The following EXOC4 variants were observed in gnomAD, a reference collection of about 807,000 sequenced individuals.
The protein encoded by EXOC4 is SEC8-like 1.
A neutral mutation model predicts 107.2 loss-of-function variants in EXOC4; 71 were observed. That is an observed-to-expected ratio of 0.66 (90% CI 0.55 to 0.81). EXOC4 has a LOEUF of 0.81. EXOC4 is among the 30% of genes least tolerant of loss of function. The pLI, the probability that EXOC4 is intolerant of heterozygous loss-of-function variation, is 0.00. For synonymous variants in EXOC4, 456 were observed against 441.2 expected (o/e 1.03, Z -0.42); for missense variants, 1,108 against 1,189.6 (o/e 0.93, Z 1.01).
In EXOC4 at chr7:134,051,999, G is replaced by GAA. The variant is rs61245865; in HGVS notation, c.2688-12284_2688-12283dup. Reference sequence around the variant, plus strand: ...CGACTCCATCTCAATAAAAAAGAAAGAAAAAAAAATGTGGCTCCATGACAG... The same window carrying GAA: ...CGACTCCATCTCAATAAAAAAGAAAGAAAAAAAAAAATGTGGCTCCATGACAG... On this transcript the variant is annotated intron_variant, in intron 17 of 17. Transcript: ENST00000253861. 2.3e-4 allele frequency among the ~76,000 whole-genome samples: 34 copies of GAA among 150,974 alleles called. No individual in the cohort carries two copies. The South Asian group carries it at 3.1e-3, about 14-fold the overall frequency.
At chr7:133,314,639 C>T (rs189609800) in intron 4 of EXOC4, among the ~76,000 whole-genome samples, 30 of 152,220 alleles carry the variant, frequency 2.0e-4, no homozygotes, top group Middle Eastern at 6.8e-3. Context: ...TGTGCATGTA[C>T]ATCTGTGTTC....
chr7:133,840,250 A>C (rs532644064), intron 11 of EXOC4, among the ~76,000 whole-genome samples: 1 of 152,334 alleles, frequency 6.6e-6, no homozygotes, highest in African/African-American at 2.4e-5. Flanking sequence ...CATAGCTTGC[A>C]TGAATCTAAC....
intron 7 of EXOC4, among the ~76,000 whole-genome samples, chr7:133,399,968 T>G (rs1797052961): frequency 6.6e-6 from 1 of 152,238 alleles, no homozygotes; most frequent in Non-Finnish European, 1.5e-5. Flanking sequence ...GGACTTTGAA[T>G]GCTAGCTAAG....
chr7:133,416,791 ACT>A (rs1004342217), intron 7 of EXOC4, among the ~76,000 whole-genome samples: 5 of 152,050 alleles, frequency 3.3e-5, no homozygotes, highest in South Asian at 2.1e-4. Context: ...TGGATGAATG[ACT>A]CTCTGCTTGC....
At chr7:133,452,921 A>G (rs1798379829) in intron 7 of EXOC4, among the ~76,000 whole-genome samples, 1 of 152,124 alleles carries the variant, frequency 6.6e-6, no homozygotes, top group Admixed American at 6.5e-5. Context: ...AGGGCCTTAT[A>G]ATGGCATCAC....
At chr7:134,032,080 G>T (rs1795283937) in intron 17 of EXOC4, among the ~76,000 whole-genome samples, 1 of 152,206 alleles carries the variant, frequency 6.6e-6, no homozygotes, top group Admixed American at 6.5e-5. Flanking sequence ...TTAGCAATCA[G>T]TGATTCAGAG....
At chr7:133,376,416 A>G (rs1646783906) in intron 7 of EXOC4, among the ~76,000 whole-genome samples, 1 of 152,230 alleles carries the variant, frequency 6.6e-6, no homozygotes, top group African/African-American at 2.4e-5. Flanking sequence ...ATGAAATAAT[A>G]GATTCTAAAG....
At chr7:133,919,822 G>A (rs1228307190) in intron 13 of EXOC4, among the ~76,000 whole-genome samples, 2 of 152,262 alleles carry the variant, frequency 1.3e-5, no homozygotes, top group Non-Finnish European at 2.9e-5. Flanking sequence ...AGTTTTGGCA[G>A]TTATGAACAA....
At chr7:133,692,128 A>T (rs985857318) in intron 10 of EXOC4, among the ~76,000 whole-genome samples, 6 of 152,152 alleles carry the variant, frequency 3.9e-5, no homozygotes, top group African/African-American at 1.4e-4. Context: ...AACCTGAAAA[A>T]TTTATGAAGC....
At chr7:133,916,200 A>G (rs1266111612) in intron 12 of EXOC4, among the ~76,000 whole-genome samples, 1 of 152,216 alleles carries the variant, frequency 6.6e-6, no homozygotes, top group Non-Finnish European at 1.5e-5. Context: ...TGCGCGGTTC[A>G]CAATAGAATT....
At chr7:133,461,548 T>C (rs1798594250) in intron 7 of EXOC4, among the ~76,000 whole-genome samples, 1 of 152,232 alleles carries the variant, frequency 6.6e-6, no homozygotes, top group Non-Finnish European at 1.5e-5. Flanking sequence ...ATGCTGGGTC[T>C]TAGCCACTTA....
chr7:133,881,948 T>C (rs937940529), intron 11 of EXOC4, among the ~76,000 whole-genome samples: 21 of 152,320 alleles, frequency 1.4e-4, no homozygotes, highest in African/African-American at 4.3e-4. Flanking sequence ...AAATTGAGGC[T>C]TAACCTGCAT....
At chr7:133,513,333 G>T (rs1189578107) in intron 9 of EXOC4, among the ~76,000 whole-genome samples, 1 of 152,112 alleles carries the variant, frequency 6.6e-6, no homozygotes, top group African/African-American at 2.4e-5. Flanking sequence ...CTCCCAAAGT[G>T]CTGGGATTAC....
At chr7:133,973,901 C>G (rs1793761211) in intron 14 of EXOC4, among the ~76,000 whole-genome samples, 2 of 152,172 alleles carry the variant, frequency 1.3e-5, no homozygotes, top group South Asian at 4.1e-4. Context: ...CAAGTGCATT[C>G]CTATTGCATC....
chr7:133,974,063 T>G (rs1211805170), intron 14 of EXOC4, among the ~76,000 whole-genome samples: 1 of 152,204 alleles, frequency 6.6e-6, no homozygotes. Flanking sequence ...GTCACCTCTT[T>G]AAGGTCCCAC....
chr7:133,346,429 G>T (rs1204304176), intron 5 of EXOC4, among the ~76,000 whole-genome samples: 1 of 152,030 alleles, frequency 6.6e-6, no homozygotes, highest in African/African-American at 2.4e-5. Flanking sequence ...TGAGTCAGAT[G>T]ATTTCTTTTT....
intron 9 of EXOC4, among the ~76,000 whole-genome samples, chr7:133,517,425 G>A (rs1039354642): frequency 3.9e-5 from 6 of 152,034 alleles, no homozygotes; most frequent in African/African-American, 1.4e-4. Context: ...TCCTTCCCCC[G>A]CTCCATGTGT....
the EXOC4 span, among the ~76,000 whole-genome samples, chr7:134,084,405 G>A: frequency 6.6e-6 from 1 of 152,286 alleles, no homozygotes; most frequent in East Asian, 1.9e-4. Context: ...CCAAAAGTGA[G>A]AAGATAGCTA....
At chr7:133,822,430 C>T (rs1797543624) in intron 11 of EXOC4, among the ~76,000 whole-genome samples, 1 of 151,976 alleles carries the variant, frequency 6.6e-6, no homozygotes, top group African/African-American at 2.4e-5. Flanking sequence ...ACCCCTTACC[C>T]ATCAAATTGC....
Sources: gnomAD v4.1 joint callset for allele counts (sites outside exome capture counted in the v4.1 genomes callset) on GRCh38, gnomAD v4.1.1 for gene constraint, MANE v1.5 for transcripts, NCBI Gene and HGNC (gene_info 2026-07-23, HGNC 2026-07-21) for gene names.